The following CD96 variants were observed in gnomAD, a reference collection of about 807,000 sequenced individuals.
CD96 encodes CD96 molecule.
CD96 carries 70 observed loss-of-function variants against 71.3 expected under a neutral mutation model. That is an observed-to-expected ratio of 0.98 (90% CI 0.81 to 1.20). The LOEUF (loss-of-function observed/expected upper bound fraction) is 1.20, where lower values mean the gene tolerates loss of function less well. Among genes scored for constraint, CD96 ranks in the 50% most tolerant of loss-of-function variants. The probability of loss-of-function intolerance (pLI) is 0.00; values close to 1 mark genes in which losing one functional copy is unlikely to be tolerated. For synonymous variants in CD96, 248 were observed against 233.0 expected, an observed-to-expected ratio of 1.06 and a Z score of -0.59; for missense variants, 742 against 677.5, an observed-to-expected ratio of 1.10 and a Z score of -1.06.
intron 5 of CD96, among the ~76,000 whole-genome samples, chr3:111,591,776 T>TA (rs1213659643): frequency 2.0e-5 from 3 of 152,138 alleles, no homozygotes; most frequent in Non-Finnish European, 2.9e-5. Flanking sequence ...GATCTCTAGA[T>TA]AAAAAAAGAA....
chr3:111,564,798 G>A (rs1935626994), intron 2 of CD96, among the ~76,000 whole-genome samples: 1 of 152,062 alleles, frequency 6.6e-6, no homozygotes, highest in Non-Finnish European at 1.5e-5. Flanking sequence ...GGCCAGCCTA[G>A]CTTTTCTAGA....
At chr3:111,603,432 A>C (rs1193422978) in intron 7 of CD96, among the ~76,000 whole-genome samples, 4 of 151,322 alleles carry the variant, frequency 2.6e-5, no homozygotes, top group Admixed American at 6.6e-5. Context: ...GCAACAGAGC[A>C]AGGCTTTGTC....
rs79109344 is a variant in CD96 at position 111,648,803 on chromosome 3, G to A, written c.1602-895G>A. Among the ~76,000 whole-genome samples, 1,147 of 152,270 alleles carry A rather than the reference G, an allele frequency of 7.5e-3. 16 individuals are homozygous for A. Among genetic ancestry groups the A allele is most frequent in the African/African-American group, 0.026 (1,088 of 41,544 alleles). ...TGCTATGGATTGCCAGGGCATAGAG[G>A]TGTTTGAGTGATGAACATAAAGATG... is the stretch of plus-strand genomic sequence containing the variant. On this transcript the variant is annotated intron_variant, in intron 13 of 13. Coordinates refer to ENST00000352690, the MANE Select transcript of CD96 (RefSeq NM_005816.5).
chr3:111,584,966 C>T (rs141593279), intron 4 of CD96, among the ~76,000 whole-genome samples: 71 of 152,316 alleles, frequency 4.7e-4, no homozygotes, highest in Middle Eastern at 3.4e-3. Flanking sequence ...AAAGCCTCCT[C>T]CTATCCTCCA....
chr3:111,545,012 A>G, intron 1 of CD96, 34 bp from the exon 2 acceptor site: 1 of 1,555,592 alleles, frequency 6.4e-7, no homozygotes, highest in African/African-American at 1.4e-5. Context: ...TATGTGAATT[A>G]TTTAAACTCA....
intron 2 of CD96, among the ~76,000 whole-genome samples, chr3:111,562,841 G>A (rs1163993297): frequency 1.3e-5 from 2 of 152,226 alleles, no homozygotes; most frequent in Admixed American, 1.3e-4. Flanking sequence ...GCCATTCCAT[G>A]ACTCTAGTTT....
chr3:111,570,453 T>C (rs913046418), intron 3 of CD96, among the ~76,000 whole-genome samples: 7 of 152,118 alleles, frequency 4.6e-5, no homozygotes, highest in Admixed American at 4.6e-4. Context: ...TCCATTATCA[T>C]GGTGAATTTC....
At chr3:111,647,416 C>T (rs1169469095) in intron 12 of CD96, 127 bp from the exon 13 acceptor site, 14 of 856,270 alleles carry the variant, frequency 1.6e-5, no homozygotes, top group Non-Finnish European at 2.6e-5. Flanking sequence ...TAGACATGCC[C>T]ACCTCCAGAG....
At chr3:111,617,870 C>T (rs1938322708) in intron 8 of CD96, among the ~76,000 whole-genome samples, 1 of 152,246 alleles carries the variant, frequency 6.6e-6, no homozygotes, top group Non-Finnish European at 1.5e-5. Flanking sequence ...CTTCAGGGAG[C>T]CCAGACCTAA....
At chr3:111,567,417 A>T in intron 2 of CD96, 106 bp from the exon 3 acceptor site, 2 of 863,060 alleles carry the variant, frequency 2.3e-6, no homozygotes, top group Admixed American at 3.7e-5. Flanking sequence ...GTGTACCCTG[A>T]GGACAGATGA....
At chr3:111,595,780 G>A (rs1937228505) in intron 5 of CD96, among the ~76,000 whole-genome samples, 1 of 151,568 alleles carries the variant, frequency 6.6e-6, no homozygotes, top group Admixed American at 6.6e-5. Flanking sequence ...AGATTGAGAA[G>A]GAAAACCTAC....
At chr3:111,609,714 A>T (rs925535406) in intron 8 of CD96, among the ~76,000 whole-genome samples, 4 of 152,208 alleles carry the variant, frequency 2.6e-5, no homozygotes, top group African/African-American at 4.8e-5. Context: ...AGGGGGGAAA[A>T]ATGCCACCTG....
chr3:111,596,058 A>G (rs990471455), intron 5 of CD96, among the ~76,000 whole-genome samples: 1 of 152,142 alleles, frequency 6.6e-6, no homozygotes, highest in Non-Finnish European at 1.5e-5. Context: ...GCTACTTGGG[A>G]GGCTGAAGCA....
intron 8 of CD96, among the ~76,000 whole-genome samples, chr3:111,611,472 G>A (rs557539639): frequency 5.3e-5 from 8 of 152,298 alleles, no homozygotes; most frequent in Admixed American, 4.6e-4. Flanking sequence ...TGTTAACAGG[G>A]GAACGCCAGA....
chr3:111,594,018 G>A (rs766423394), intron 5 of CD96: 1 of 1,614,164 alleles, frequency 6.2e-7, no homozygotes, highest in Non-Finnish European at 8.5e-7. Context: ...GGAGCTAGGT[G>A]GAAATATTCC....
At chr3:111,661,245 G>A (rs1195328470) in intron 14 of CD96, among the ~76,000 whole-genome samples, 1 of 152,148 alleles carries the variant, frequency 6.6e-6, no homozygotes, top group Non-Finnish European at 1.5e-5. Flanking sequence ...CCACTTCCAT[G>A]ATCCAGTCAC....
At chr3:111,551,775 T>C (rs1161813428) in intron 2 of CD96, among the ~76,000 whole-genome samples, 3 of 152,116 alleles carry the variant, frequency 2.0e-5, no homozygotes, top group Non-Finnish European at 2.9e-5. Context: ...GTCAGAATGA[T>C]TTATAACAGA....
intron 12 of CD96, 36 bp from the exon 13 acceptor site, chr3:111,647,507 G>A: frequency 2.5e-6 from 4 of 1,603,712 alleles, no homozygotes; most frequent in Non-Finnish European, 2.6e-6. Context: ...GCCAAAGTTT[G>A]GGATTAAAGT....
At chr3:111,554,495 A>G (rs989955153) in intron 2 of CD96, among the ~76,000 whole-genome samples, 3 of 151,832 alleles carry the variant, frequency 2.0e-5, no homozygotes, top group African/African-American at 7.3e-5. Flanking sequence ...TCCTATGTCT[A>G]TTTTTCTCTT....
Sources: gnomAD v4.1 joint callset for allele counts (sites outside exome capture counted in the v4.1 genomes callset) on GRCh38, gnomAD v4.1.1 for gene constraint, MANE v1.5 for transcripts, NCBI Gene and HGNC (gene_info 2026-07-23, HGNC 2026-07-21) for gene names.